VPS35L: variants seen among roughly 807,000 people sequenced by gnomAD.
VPS35L encodes VPS35 endosomal protein-sorting factor-like.
VPS35L carries 83 observed loss-of-function variants against 133.0 expected under a neutral mutation model. The observed-to-expected ratio is 0.62, with a 90% CI of 0.52 to 0.75. The LOEUF is 0.75. Among genes scored for constraint, VPS35L ranks in the 30% least tolerant of loss-of-function variants. The probability of loss-of-function intolerance (pLI) is 0.00; values close to 1 mark genes in which losing one functional copy is unlikely to be tolerated. For missense variants in VPS35L, 1,083 were observed against 1,206.8 expected, an observed-to-expected ratio of 0.90 and a Z score of 1.52; for synonymous variants, 423 against 449.9, an observed-to-expected ratio of 0.94 and a Z score of 0.76.
At chr16:19,604,178 C>A in intron 9 of VPS35L, among the ~76,000 whole-genome samples, 1 of 147,976 alleles carries the variant, frequency 6.8e-6, no homozygotes, top group African/African-American at 2.5e-5. Flanking sequence ...ACTTTTGATA[C>A]AGGCTCTAGT....
At chr16:19,663,532 G>A (rs547258193) in intron 26 of VPS35L, among the ~76,000 whole-genome samples, 7 of 99,154 alleles carry the variant, frequency 7.1e-5, no homozygotes, top group South Asian at 3.2e-4. Context: ...TTTTTCCCCC[G>A]CCACCCTCCC....
At chr16:19,668,787 G>A (rs1007022325) in intron 26 of VPS35L, among the ~76,000 whole-genome samples, 4 of 152,076 alleles carry the variant, frequency 2.6e-5, no homozygotes, top group African/African-American at 7.2e-5. Flanking sequence ...CTTATTTCTC[G>A]TCTGTGAAGT....
intron 29 of VPS35L, among the ~76,000 whole-genome samples, chr16:19,691,792 G>A (rs1017837980): frequency 6.7e-6 from 1 of 148,572 alleles, no homozygotes; most frequent in Non-Finnish European, 1.5e-5. Flanking sequence ...TGTAGCGCCT[G>A]TTCAGTCACC....
intron 17 of VPS35L, 140 bp from the exon 18 acceptor site, chr16:19,629,627 A>C (rs1435789903): frequency 1.7e-6 from 1 of 598,420 alleles, no homozygotes; most frequent in East Asian, 2.9e-5. Flanking sequence ...TCCTAAATAA[A>C]AGATCAGCCT....
intron 6 of VPS35L, 131 bp downstream of exon 6, chr16:19,579,259 A>G (rs1419297052): frequency 1.0e-5 from 8 of 801,518 alleles, no homozygotes; most frequent in Admixed American, 5.1e-5. Context: ...TCTCGAGGCA[A>G]TGACTCCATC....
At chr16:19,647,910 C>T (rs1464785076) in intron 24 of VPS35L, 28 bp downstream of exon 24, 1 of 1,527,058 alleles carries the variant, frequency 6.5e-7, no homozygotes, top group South Asian at 1.1e-5. Flanking sequence ...TTAGTTTCTT[C>T]TCTCAGTAAA....
chr16:19,653,850 CA>C (rs1974213008), intron 26 of VPS35L, among the ~76,000 whole-genome samples: 1 of 152,216 alleles, frequency 6.6e-6, no homozygotes, highest in Non-Finnish European at 1.5e-5. Context: ...GTGAAGTCTT[CA>C]TACATGGTTA....
rs893725043 is a variant in VPS35L, at chr16:19,667,053, C to T, written c.2222-2107C>T. On this transcript the variant is annotated intron_variant, in intron 26 of 30. Coordinates refer to ENST00000417362, the MANE Select transcript of VPS35L (RefSeq NM_020314.7). Reference sequence around the variant, plus strand: ...GGCTCGGCTCACTGCAACCTCTGACCGACGGGTTCAAGTGATTCTCCTGCC... The same window carrying T: ...GGCTCGGCTCACTGCAACCTCTGACTGACGGGTTCAAGTGATTCTCCTGCC... Among the ~76,000 whole-genome samples, 12 of 151,212 alleles carry T rather than the reference C, an allele frequency of 7.9e-5. No individual in the cohort carries two copies. The East Asian group carries it at 2.2e-3, about 27-fold the overall frequency.
chr16:19,675,376 A>G (rs927286329), intron 27 of VPS35L, among the ~76,000 whole-genome samples: 8 of 151,778 alleles, frequency 5.3e-5, no homozygotes, highest in Non-Finnish European at 1.0e-4. Flanking sequence ...TTATCTGTCA[A>G]TGGACATATA....
chr16:19,619,047 C>A (rs890308417), intron 14 of VPS35L, among the ~76,000 whole-genome samples: 2 of 151,828 alleles, frequency 1.3e-5, no homozygotes, highest in African/African-American at 4.8e-5. Flanking sequence ...TCTCATGCCT[C>A]AACCTCATGA....
intron 28 of VPS35L, among the ~76,000 whole-genome samples, chr16:19,690,959 C>T (rs1286336878): frequency 7.3e-6 from 1 of 136,968 alleles, no homozygotes; most frequent in African/African-American, 2.8e-5. Context: ...GAGACTCCGT[C>T]TCAAAAAAAA....
chr16:19,681,679 T>A (rs1401025645), intron 27 of VPS35L, among the ~76,000 whole-genome samples: 3 of 152,236 alleles, frequency 2.0e-5, no homozygotes, highest in Non-Finnish European at 4.4e-5. Context: ...TGACTGTCTC[T>A]CAGGTTTTGC....
Position 19,633,016 on chromosome 16 carries a change from G to A in VPS35L, c.1555-76G>A. ...TGTGTGATATATTCTGAATACGTTAGTCCTTTCCCCCAGGAACATGGTCAG... is the reference window on the plus strand; with the variant it reads ...TGTGTGATATATTCTGAATACGTTAATCCTTTCCCCCAGGAACATGGTCAG... On this transcript the variant is annotated intron_variant, in intron 18 of 30. Transcript: ENST00000417362. This position sits in a 1 kb window ranked among gnomAD's most constrained non-coding sequence, Gnocchi z 4.1. 9.1e-7 allele frequency: 1 copy of A among 1,104,722 alleles called. No individual in the cohort carries two copies. The highest frequency in any genetic ancestry group is 1.4e-6 in the Non-Finnish European group (1 of 719,366). 68.4% of individuals were successfully genotyped at this position (1,104,722 alleles called of 1,614,324 possible). A position where few individuals can be genotyped will look rare whatever the true frequency, so the allele number is the denominator to read the frequency against.
rs200120905 is a variant in VPS35L, at chr16:19,616,760, G to A, written c.1176G>A (p.Pro392=). 8.1e-5 allele frequency: 131 copies of A among 1,613,954 alleles called. No individual in the cohort carries two copies. The highest frequency in any genetic ancestry group is 1.1e-4 in the South Asian group (10 of 91,088). Residue 392 remains proline, a synonymous_variant, in exon 14 of 31, where the codon CCG becomes CCA. Coordinates refer to ENST00000417362, the MANE Select transcript of VPS35L (RefSeq NM_020314.7). ...TCCCATCTTACCTCCCCTTGTACCC[G>A]CCTGCCATGGACTGGATCTTCCAGT... ...VELPSYLPLY[P]PAMDWIFQCI...
At chr16:19,627,221 T>C (rs973107430) in intron 15 of VPS35L, among the ~76,000 whole-genome samples, 1 of 150,682 alleles carries the variant, frequency 6.6e-6, no homozygotes, top group Non-Finnish European at 1.5e-5. Flanking sequence ...AGGTGGAGGT[T>C]GCAGTGAGCC....
intron 5 of VPS35L, 44 bp downstream of exon 5, chr16:19,575,166 T>C: frequency 6.4e-7 from 1 of 1,571,072 alleles, no homozygotes. Context: ...ATTCTGGCAT[T>C]ACTTTTAGTA....
rs1272076537 is a variant in VPS35L at position 19,650,552 on chromosome 16, G to C, written c.2106+93G>C. The C allele has an allele frequency of 4.8e-6, 5 of 1,038,802 alleles. No individual in the cohort carries two copies. In the South Asian group the frequency reaches 5.2e-5, roughly 11 times the overall value. 64.3% of individuals were successfully genotyped at this position (1,038,802 alleles called of 1,614,324 possible). A position where few individuals can be genotyped will look rare whatever the true frequency, so the allele number is the denominator to read the frequency against. On this transcript the variant is annotated intron_variant, in intron 25 of 30. Transcript: ENST00000417362. ...AATTACATTTCCCAGAAAAAGATGAGTATGTCATGATAAGAATGGTTTAGT... is the reference window on the plus strand; with the variant it reads ...AATTACATTTCCCAGAAAAAGATGACTATGTCATGATAAGAATGGTTTAGT...
Position 19,685,649 on chromosome 16 carries a change from C to T in VPS35L, c.2527+3259C>T, listed in dbSNP as rs577348603. On this transcript the variant is annotated intron_variant, in intron 28 of 30. Coordinates refer to ENST00000417362, the MANE Select transcript of VPS35L (RefSeq NM_020314.7). The stretch of plus-strand genomic sequence containing the variant: ...AACCAATTGACATTCCCACCAGGCA[C>T]GAATGAGGCTTCCATTTGTTCAGTT... 1.3e-4 allele frequency among the ~76,000 whole-genome samples: 20 copies of T among 152,316 alleles called. No homozygotes were observed. In the South Asian group the frequency reaches 3.7e-3, roughly 28 times the overall value.
intron 26 of VPS35L, among the ~76,000 whole-genome samples, chr16:19,657,480 C>T (rs57223667): frequency 0.072 from 10,964 of 152,166 alleles, 1,046 homozygotes; most frequent in African/African-American, 0.22. Flanking sequence ...ATATATTATC[C>T]GCTCACCTGT....
Sources: allele counts gnomAD v4.1 joint callset (sites outside exome capture counted in the v4.1 genomes callset), GRCh38; gene constraint gnomAD v4.1.1; non-coding constraint Gnocchi (gnomAD v3.1); transcripts MANE v1.5; gene names NCBI Gene and HGNC (gene_info 2026-07-23, HGNC 2026-07-21).